The following NAALADL2 variants were observed in gnomAD, a reference collection of about 807,000 sequenced individuals.
NAALADL2 encodes inactive N-acetylated-alpha-linked acidic dipeptidase-like protein 2.
In NAALADL2, 76 loss-of-function variants were observed where a neutral mutation model predicts 87.2. The ratio of observed to expected loss-of-function variants is 0.87; its 90% confidence interval spans 0.72 to 1.05. The LOEUF (loss-of-function observed/expected upper bound fraction) is 1.05. Among genes scored for constraint, NAALADL2 ranks in the 50% least tolerant of loss-of-function variants. The pLI, the probability that NAALADL2 is intolerant of heterozygous loss-of-function variation, is 0.00. For missense variants in NAALADL2, 1,089 were observed against 945.8 expected (o/e 1.15, Z -1.99); for synonymous variants, 354 against 331.0 (o/e 1.07, Z -0.75).
chr3:174,961,416 G>A (rs114086483), intron 1 of NAALADL2, among the ~76,000 whole-genome samples: 4,006 of 152,110 alleles, frequency 0.026, 124 homozygotes, highest in African/African-American at 0.071. Flanking sequence ...TTTCAAGGGA[G>A]TTCTGAAAAT....
chr3:174,444,056 G>T (rs1419673569), intron 1 of NAALADL2, among the ~76,000 whole-genome samples: 1 of 152,110 alleles, frequency 6.6e-6, no homozygotes, highest in Non-Finnish European at 1.5e-5. Flanking sequence ...AGGACCAGAT[G>T]ATGTAAAGAG....
intron 2 of NAALADL2, among the ~76,000 whole-genome samples, chr3:174,683,623 ACTT>A (rs1332011353): frequency 1.8e-4 from 21 of 114,698 alleles, no homozygotes; most frequent in African/African-American, 1.1e-4. Context: ...AATTAACAGA[ACTT>A]CTGGTGTGTG....
At chr3:174,812,247 A>G (rs1046461593) in intron 3 of NAALADL2, among the ~76,000 whole-genome samples, 8 of 152,146 alleles carry the variant, frequency 5.3e-5, no homozygotes, top group South Asian at 2.1e-4. Flanking sequence ...TAGATACACA[A>G]TCTGACATTT....
In NAALADL2 at chr3:175,614,206, C is replaced by T. The variant is rs114517364; in HGVS notation, c.1801-13085C>T. Among the ~76,000 whole-genome samples, 915 of 152,284 alleles carry T rather than the reference C, an allele frequency of 6.0e-3. 6 individuals carry two copies. The highest frequency in any genetic ancestry group is 0.021 in the African/African-American group (860 of 41,552). Reference sequence around the variant, plus strand: ...TAGCTGAGATTACAGGTGCGAGCCACCATACCTGGTTAACTTTTGTATTTT... The same window carrying T: ...TAGCTGAGATTACAGGTGCGAGCCATCATACCTGGTTAACTTTTGTATTTT... On this transcript the variant is annotated intron_variant, in intron 10 of 13. Transcript: ENST00000454872.
At chr3:174,711,273 T>C (rs1320087004) in intron 2 of NAALADL2, among the ~76,000 whole-genome samples, 2 of 152,212 alleles carry the variant, frequency 1.3e-5, no homozygotes, top group African/African-American at 4.8e-5. Flanking sequence ...AGAGGCAACA[T>C]TGGAAGCCAC....
At chr3:175,787,653 T>C (rs1250940733) in intron 13 of NAALADL2, among the ~76,000 whole-genome samples, 1 of 152,104 alleles carries the variant, frequency 6.6e-6, no homozygotes, top group Non-Finnish European at 1.5e-5. Context: ...CAGATGGAAA[T>C]GCAGAAATCA....
At chr3:175,517,250 G>A (rs1731977204) in intron 9 of NAALADL2, among the ~76,000 whole-genome samples, 1 of 152,088 alleles carries the variant, frequency 6.6e-6, no homozygotes, top group Non-Finnish European at 1.5e-5. Context: ...ACATTTCACA[G>A]TGGCTTTTAC....
intron 3 of NAALADL2, among the ~76,000 whole-genome samples, chr3:174,827,606 C>G (rs1478862030): frequency 6.6e-6 from 1 of 152,178 alleles, no homozygotes; most frequent in Non-Finnish European, 1.5e-5. Context: ...TGATTAATAA[C>G]TTTAATTGCA....
intron 9 of NAALADL2, among the ~76,000 whole-genome samples, chr3:175,569,821 AAT>A (rs1334066231): frequency 2.1e-5 from 2 of 95,306 alleles, no homozygotes; most frequent in Non-Finnish European, 4.0e-5. Flanking sequence ...CAGACCAACT[AAT>A]ACACACACAC....
At chr3:174,753,757 T>C (rs1254403535) in intron 3 of NAALADL2, among the ~76,000 whole-genome samples, 2 of 152,120 alleles carry the variant, frequency 1.3e-5, no homozygotes, top group Non-Finnish European at 2.9e-5. Flanking sequence ...ATGCACTGAA[T>C]TGTGTCCCTT....
At chr3:175,556,268 C>G (rs912072237) in intron 9 of NAALADL2, among the ~76,000 whole-genome samples, 3 of 151,892 alleles carry the variant, frequency 2.0e-5, no homozygotes, top group Non-Finnish European at 4.4e-5. Flanking sequence ...AAAAAAAAAA[C>G]TGAAGTAGGA....
intron 1 of NAALADL2, among the ~76,000 whole-genome samples, chr3:174,918,979 G>A (rs1367620720): frequency 5.9e-5 from 9 of 151,482 alleles, no homozygotes; most frequent in South Asian, 2.1e-4. Context: ...TTGGTTTCTC[G>A]GTGCATATAA....
intron 2 of NAALADL2, among the ~76,000 whole-genome samples, chr3:175,112,311 A>C (rs898288396): frequency 4.0e-5 from 6 of 151,490 alleles, no homozygotes; most frequent in Non-Finnish European, 7.4e-5. Context: ...GTCTCTTCCA[A>C]GTCATACTAT....
At chr3:174,955,407 G>T (rs138613762) in intron 1 of NAALADL2, among the ~76,000 whole-genome samples, 2 of 152,148 alleles carry the variant, frequency 1.3e-5, no homozygotes, top group African/African-American at 4.8e-5. Flanking sequence ...TACCTGTTTG[G>T]ATATTCTCTT....
chr3:175,378,859 T>A (rs941098888), intron 5 of NAALADL2, among the ~76,000 whole-genome samples: 2 of 152,152 alleles, frequency 1.3e-5, no homozygotes, highest in African/African-American at 4.8e-5. Flanking sequence ...TGGCTAAGAG[T>A]AGATAAACTT....
intron 1 of NAALADL2, among the ~76,000 whole-genome samples, chr3:174,467,466 G>A (rs888084099): frequency 1.3e-5 from 2 of 151,872 alleles, no homozygotes; most frequent in Non-Finnish European, 2.9e-5. Context: ...GGTGGCGGAT[G>A]CCTATAATCC....
At chr3:175,659,225 G>C (rs16826092) in intron 11 of NAALADL2, among the ~76,000 whole-genome samples, 5,643 of 152,204 alleles carry the variant, frequency 0.037, 141 homozygotes, top group Admixed American at 0.066. Flanking sequence ...TATTACCTAA[G>C]CCTTTAATAT....
chr3:175,440,160 G>T (rs73186742), intron 5 of NAALADL2, among the ~76,000 whole-genome samples: 14,384 of 151,966 alleles, frequency 0.095, 758 homozygotes, highest in Middle Eastern at 0.15. Flanking sequence ...CCCACTTTTC[G>T]TTTTTGTTTT....
intron 9 of NAALADL2, among the ~76,000 whole-genome samples, chr3:175,516,709 C>A (rs890218584): frequency 6.6e-6 from 1 of 152,116 alleles, no homozygotes; most frequent in African/African-American, 2.4e-5. Context: ...ATTGCGATCA[C>A]TTTACTCAAT....
Sources: allele counts gnomAD v4.1 joint callset (sites outside exome capture counted in the v4.1 genomes callset), GRCh38; gene constraint gnomAD v4.1.1; transcripts MANE v1.5; gene names NCBI Gene and HGNC (gene_info 2026-07-23, HGNC 2026-07-21).